Variants in ATP9B observed in about 807,000 individuals in gnomAD.
ATP9B encodes the protein ATPase phospholipid transporting 9B.
ATP9B carries 110 observed loss-of-function variants against 146.1 expected under a neutral mutation model. The ratio of observed to expected loss-of-function variants is 0.75; its 90% confidence interval spans 0.65 to 0.88. The LOEUF is 0.88. Among genes scored for constraint, ATP9B ranks in the 40% least tolerant of loss-of-function variants. ATP9B has a pLI of 0.00. For missense variants in ATP9B, 1,499 were observed against 1,496.4 expected, an observed-to-expected ratio of 1.00 and a Z score of -0.03; for synonymous variants, 604 against 569.7, an observed-to-expected ratio of 1.06 and a Z score of -0.86.
At chr18:79,100,888 TC>T (rs2075224905) in intron 2 of ATP9B, among the ~76,000 whole-genome samples, 1 of 152,138 alleles carries the variant, frequency 6.6e-6, no homozygotes, top group Non-Finnish European at 1.5e-5. Flanking sequence ...CTCGTGAGAC[TC>T]ATTCACTATC....
At chr18:79,275,699 G>A (rs1050069023) in intron 12 of ATP9B, among the ~76,000 whole-genome samples, 12 of 152,242 alleles carry the variant, frequency 7.9e-5, no homozygotes, top group African/African-American at 2.9e-4. Context: ...TGCACCAAGA[G>A]GCCAAGTGGC....
chr18:79,246,719 C>G (rs1340145998), intron 11 of ATP9B, among the ~76,000 whole-genome samples: 1 of 152,178 alleles, frequency 6.6e-6, no homozygotes, highest in Non-Finnish European at 1.5e-5. Context: ...GGCCGCGCCC[C>G]GCGCTCCCCG....
chr18:79,151,004 A>G (rs2094680911), intron 6 of ATP9B, among the ~76,000 whole-genome samples: 1 of 152,220 alleles, frequency 6.6e-6, no homozygotes, highest in Non-Finnish European at 1.5e-5. Context: ...ATGTTATTCA[A>G]AAGGCAGTGT....
intron 19 of ATP9B, among the ~76,000 whole-genome samples, chr18:79,339,254 A>ATGTCATGATCACAGTTGGAAGTG (rs2096843862): frequency 1.4e-5 from 2 of 142,698 alleles, no homozygotes; most frequent in Non-Finnish European, 3.0e-5. Context: ...AGTAGGAAGT[A>ATGTCATGATCACAGTTGGAAGTG]TGTCATGATC....
intron 15 of ATP9B, among the ~76,000 whole-genome samples, chr18:79,324,778 T>C (rs541245001): frequency 6.6e-6 from 1 of 152,370 alleles, no homozygotes; most frequent in Admixed American, 6.5e-5. Context: ...TACCATTAAG[T>C]CTTCTTAATT....
At chr18:79,262,076 A>T (rs1263041371) in intron 12 of ATP9B, among the ~76,000 whole-genome samples, 1 of 151,974 alleles carries the variant, frequency 6.6e-6, no homozygotes, top group African/African-American at 2.4e-5. Context: ...GGGGCCCTGC[A>T]GCTCAGTCCT....
intron 7 of ATP9B, among the ~76,000 whole-genome samples, chr18:79,156,785 A>G (rs2094789602): frequency 6.6e-6 from 1 of 152,188 alleles, no homozygotes; most frequent in African/African-American, 2.4e-5. Flanking sequence ...CTTCTTAACA[A>G]TAATGTAATG....
At chr18:79,305,540 A>G (rs2096615981) in intron 14 of ATP9B, among the ~76,000 whole-genome samples, 1 of 152,196 alleles carries the variant, frequency 6.6e-6, no homozygotes. Flanking sequence ...GAGAAGGAAT[A>G]CAGTTTCTCC....
At chr18:79,155,794 G>A (rs1342438671) in intron 7 of ATP9B, among the ~76,000 whole-genome samples, 6 of 112,782 alleles carry the variant, frequency 5.3e-5, no homozygotes, top group Non-Finnish European at 9.8e-5. Flanking sequence ...ATGGAGTCTC[G>A]CTCTGTCGCC....
At position 79,130,743 on chromosome 18, in the gene ATP9B, C is replaced by T. The variant is rs73484096; in HGVS notation, c.667+4368C>T. Among the ~76,000 whole-genome samples the T allele has an allele frequency of 2.1e-3, 313 of 152,002 alleles. 3 individuals carry two copies. Among genetic ancestry groups the T allele is most frequent in the African/African-American group, 7.3e-3 (302 of 41,460 alleles). Reference sequence around the variant, plus strand: ...AACTGGTCACACACAAGGAACCCTCCGTAGGATTTATCAGAAGCCATGGAG... The same window carrying T: ...AACTGGTCACACACAAGGAACCCTCTGTAGGATTTATCAGAAGCCATGGAG... On this transcript the variant is annotated intron_variant, in intron 5 of 29. Transcript: ENST00000426216.
chr18:79,154,438 G>T, intron 6 of ATP9B, 66 bp from the exon 7 acceptor site: 1 of 1,115,912 alleles, frequency 9.0e-7, no homozygotes, highest in South Asian at 1.7e-5. Flanking sequence ...TTCTTATTTG[G>T]AATGGAATTG....
In ATP9B at chr18:79,156,181, G is replaced by A. The variant is rs115518268; in HGVS notation, c.778+1626G>A. On this transcript the variant is annotated intron_variant, in intron 7 of 29. Transcript: ENST00000426216. ...CAAGTGACTTCTGTATACTTGATAC[G>A]TTTATTATGTGTTGTTTCATGTGAG... Among the ~76,000 whole-genome samples the A allele has an allele frequency of 3.8e-3, 578 of 152,290 alleles. 3 individuals carry two copies. Among genetic ancestry groups the A allele is most frequent in the South Asian group, 0.024 (117 of 4,818 alleles).
At chr18:79,124,577 C>T (rs2094248943) in intron 4 of ATP9B, among the ~76,000 whole-genome samples, 1 of 152,234 alleles carries the variant, frequency 6.6e-6, no homozygotes, top group African/African-American at 2.4e-5. Flanking sequence ...GTGCTTCCAA[C>T]AACCCCTGGG....
At chr18:79,075,219 G>A (rs528791227) in intron 1 of ATP9B, among the ~76,000 whole-genome samples, 1 of 152,282 alleles carries the variant, frequency 6.6e-6, no homozygotes, top group South Asian at 2.1e-4. Context: ...TGGGACTACA[G>A]GCGCTCACTA....
intron 15 of ATP9B, among the ~76,000 whole-genome samples, chr18:79,322,295 C>T (rs1374043109): frequency 2.0e-5 from 3 of 152,190 alleles, no homozygotes; most frequent in African/African-American, 4.8e-5. Context: ...AGAGTTGTAG[C>T]GTCCATAGAA....
chr18:79,150,806 A>G (rs1333659875), intron 6 of ATP9B, among the ~76,000 whole-genome samples: 1 of 152,184 alleles, frequency 6.6e-6, no homozygotes, highest in Non-Finnish European at 1.5e-5. Flanking sequence ...CCTGGACAAC[A>G]TAGACCAAAA....
Position 79,096,464 on chromosome 18 carries a change from T to C in ATP9B, c.120-12T>C, listed in dbSNP as rs749503554. The C allele has an allele frequency of 1.2e-6, 2 of 1,609,066 alleles. No homozygotes were observed. The highest frequency in any genetic ancestry group is 1.7e-6 in the Non-Finnish European group (2 of 1,179,278). On this transcript the variant is annotated splice_polypyrimidine_tract_variant and intron_variant, in intron 1 of 29. Transcript: ENST00000426216. ...TTGGCCTATCTCAGCACTCCATTTT[T>C]ACCCTAACTAGGTACCAGCTGGAGG...
chr18:79,349,313 A>G (rs1052633543), intron 25 of ATP9B, among the ~76,000 whole-genome samples: 2 of 149,044 alleles, frequency 1.3e-5, no homozygotes, highest in East Asian at 4.0e-4. Context: ...AGTAACAGCC[A>G]CTGGCTTCGA....
chr18:79,333,561 A>G (rs1049511325), intron 17 of ATP9B, among the ~76,000 whole-genome samples: 2 of 152,214 alleles, frequency 1.3e-5, no homozygotes, highest in Non-Finnish European at 2.9e-5. Context: ...GTTTTTGATT[A>G]GTTGTTCTCT....
Sources: gnomAD v4.1 joint callset for allele counts (sites outside exome capture counted in the v4.1 genomes callset) on GRCh38, gnomAD v4.1.1 for gene constraint, MANE v1.5 for transcripts, NCBI Gene and HGNC (gene_info 2026-07-23, HGNC 2026-07-21) for gene names.